The following CMSS1 variants were observed in gnomAD, a reference collection of about 807,000 sequenced individuals.
CMSS1 encodes cms1 ribosomal small subunit homolog, also known as protein CMSS1.
In CMSS1, 33 loss-of-function variants were observed where a neutral mutation model predicts 43.5. That is an observed-to-expected ratio of 0.76 (90% CI 0.57 to 1.01). CMSS1 has a LOEUF of 1.01. CMSS1 is among the 50% of genes least tolerant of loss of function. CMSS1 has a pLI of 0.00. For synonymous variants in CMSS1, 115 were observed against 117.2 expected, an observed-to-expected ratio of 0.98 and a Z score of 0.12; for missense variants, 313 against 326.4, an observed-to-expected ratio of 0.96 and a Z score of 0.32.
intron 1 of CMSS1, 25 bp from the exon 2 acceptor site, chr3:100,146,948 G>A: frequency 6.2e-7 from 1 of 1,608,064 alleles, no homozygotes; most frequent in South Asian, 1.1e-5. Context: ...AGACTTTTCT[G>A]ATTTTCAAAC....
intron 1 of CMSS1, among the ~76,000 whole-genome samples, chr3:99,900,783 A>G (rs1312432085): frequency 6.6e-6 from 1 of 152,228 alleles, no homozygotes; most frequent in East Asian, 1.9e-4. Context: ...TTGCTGTTTC[A>G]GCCTCAGAGA....
chr3:99,845,414 A>T (rs1211529169), intron 1 of CMSS1, among the ~76,000 whole-genome samples: 1 of 152,212 alleles, frequency 6.6e-6, no homozygotes, highest in East Asian at 1.9e-4. Context: ...GAATGGTATG[A>T]GTTTTTCAGA....
At chr3:99,839,268 C>T (rs1021026669) in intron 1 of CMSS1, among the ~76,000 whole-genome samples, 5 of 152,158 alleles carry the variant, frequency 3.3e-5, no homozygotes, top group African/African-American at 1.2e-4. Flanking sequence ...TAAGCTACCC[C>T]TTAACTCCCA....
At chr3:100,177,754 G>A (rs1463292155) in intron 9 of CMSS1, among the ~76,000 whole-genome samples, 2 of 152,156 alleles carry the variant, frequency 1.3e-5, no homozygotes, top group Non-Finnish European at 2.9e-5. Flanking sequence ...GGCCAAGGTG[G>A]GAGGATTACT....
At chr3:100,064,609 G>A (rs1188825676) in intron 1 of CMSS1, among the ~76,000 whole-genome samples, 8 of 152,210 alleles carry the variant, frequency 5.3e-5, no homozygotes, top group Non-Finnish European at 1.2e-4. Context: ...AGGCCCTGGA[G>A]CAGAGGAAGG....
At chr3:100,054,490 TTGTTATGTTA>T (rs10668094) in intron 1 of CMSS1, among the ~76,000 whole-genome samples, 8,899 of 146,144 alleles carry the variant, frequency 0.061, 291 homozygotes, top group South Asian at 0.12. Flanking sequence ...ATGTTATGTT[TTGTTATGTTA>T]TGTTATGTTA....
At chr3:99,876,146 C>T in intron 1 of CMSS1, 1 of 986,134 alleles carries the variant, frequency 1.0e-6, no homozygotes, top group Non-Finnish European at 1.2e-6. Flanking sequence ...GCCGACTGTG[C>T]GCGCTCCGAG....
At chr3:100,090,435 A>G (rs1407547732) in intron 1 of CMSS1, among the ~76,000 whole-genome samples, 3 of 152,178 alleles carry the variant, frequency 2.0e-5, no homozygotes, top group Non-Finnish European at 4.4e-5. Flanking sequence ...AACATTTTCT[A>G]AGAAATTTAG....
intron 1 of CMSS1, among the ~76,000 whole-genome samples, chr3:99,964,725 G>T (rs1708595512): frequency 6.6e-6 from 1 of 152,086 alleles, no homozygotes; most frequent in Non-Finnish European, 1.5e-5. Flanking sequence ...GTAAACAAAG[G>T]AGGCTTTGGA....
At chr3:100,086,889 T>C (rs1344425060) in intron 1 of CMSS1, among the ~76,000 whole-genome samples, 2 of 152,172 alleles carry the variant, frequency 1.3e-5, no homozygotes, top group Non-Finnish European at 2.9e-5. Context: ...CAACCCCTAG[T>C]AACTACTGAT....
At chr3:99,848,244 T>C (rs1396074952) in intron 1 of CMSS1, 5 of 1,595,286 alleles carry the variant, frequency 3.1e-6, no homozygotes, top group Non-Finnish European at 3.4e-6. Flanking sequence ...TGCAAAAATA[T>C]CAGTATGGAC....
At chr3:99,961,905 A>C (rs1471433884) in intron 1 of CMSS1, among the ~76,000 whole-genome samples, 1 of 67,364 alleles carries the variant, frequency 1.5e-5, no homozygotes, top group Admixed American at 1.2e-4. Context: ...CTAGGGAAGC[A>C]CTGAGGGACC....
chr3:100,077,499 A>T (rs557762425), intron 1 of CMSS1, among the ~76,000 whole-genome samples: 2 of 152,340 alleles, frequency 1.3e-5, no homozygotes, highest in African/African-American at 2.4e-5. Flanking sequence ...TGTATTTAAG[A>T]TAAGGAGGAT....
At chr3:100,090,943 A>G (rs1172914762) in intron 1 of CMSS1, among the ~76,000 whole-genome samples, 1 of 152,192 alleles carries the variant, frequency 6.6e-6, no homozygotes, top group Non-Finnish European at 1.5e-5. Context: ...GTAGCTTGGG[A>G]TTACAAGTAA....
chr3:99,969,122 G>A (rs529301566), intron 1 of CMSS1, among the ~76,000 whole-genome samples: 2 of 152,250 alleles, frequency 1.3e-5, no homozygotes, highest in South Asian at 4.1e-4. Context: ...ATGTGTGGAG[G>A]GCAGGGCAGG....
chr3:99,848,275 C>T lies in CMSS1; in HGVS notation c.64+30232C>T, dbSNP rs1943461634. ...TGGACTGGATGAGGGTGAGCGTGGT[C>T]AGTTATATATATTACTTACTGTAAT... On this transcript the variant is annotated intron_variant, in intron 1 of 9. Transcript: ENST00000421999. The T allele has an allele frequency of 1.9e-6, 3 of 1,611,474 alleles. No homozygotes were observed. In the African/African-American group the frequency reaches 4.0e-5, roughly 22 times the overall value.
chr3:100,083,725 A>G (rs1010820595), intron 1 of CMSS1, among the ~76,000 whole-genome samples: 1 of 152,182 alleles, frequency 6.6e-6, no homozygotes, highest in African/African-American at 2.4e-5. Flanking sequence ...AAAATTTTTA[A>G]CATCACCATT....
At chr3:100,132,516 T>C (rs974510592) in intron 1 of CMSS1, among the ~76,000 whole-genome samples, 10 of 151,774 alleles carry the variant, frequency 6.6e-5, no homozygotes, top group African/African-American at 2.4e-4. Context: ...TTAAGAACAT[T>C]CTATGCATAT....
chr3:99,850,675 A>G (rs770961757), intron 1 of CMSS1: 8 of 1,613,964 alleles, frequency 5.0e-6, no homozygotes, highest in Non-Finnish European at 6.8e-6. Context: ...TAACTCATCA[A>G]TCTGCCGGCT....
Sources: gnomAD v4.1 joint callset for allele counts (sites outside exome capture counted in the v4.1 genomes callset) on GRCh38, gnomAD v4.1.1 for gene constraint, MANE v1.5 for transcripts, NCBI Gene and HGNC (gene_info 2026-07-23, HGNC 2026-07-21) for gene names.